Variants in PREX2 observed in about 807,000 individuals in gnomAD.
PREX2 encodes the protein phosphatidylinositol-3,4,5-trisphosphate dependent Rac exchange factor 2.
Under a neutral mutation model 203.2 loss-of-function variants are expected in PREX2, and 107 were observed. The ratio of observed to expected loss-of-function variants is 0.53; its 90% CI spans 0.45 to 0.62. PREX2 has a LOEUF of 0.62. Among genes scored for constraint, PREX2 ranks in the 20% least tolerant of loss-of-function variants. The pLI, the probability that PREX2 is intolerant of heterozygous loss-of-function variation, is 0.00. For synonymous variants in PREX2, 672 were observed against 663.6 expected, an observed-to-expected ratio of 1.01 and a Z score of -0.19; for missense variants, 1,777 against 1,955.9, an observed-to-expected ratio of 0.91 and a Z score of 1.72.
At chr8:68,047,466 AATTTATATAT>A (rs1231262118) in intron 8 of PREX2, among the ~76,000 whole-genome samples, 2 of 64,218 alleles carry the variant, frequency 3.1e-5, no homozygotes, top group African/African-American at 6.0e-5. Context: ...AAAATGGATG[AATTTATATAT>A]ATATATATAT....
chr8:68,012,424 ACT>A (rs958127328), intron 1 of PREX2, among the ~76,000 whole-genome samples: 2 of 152,132 alleles, frequency 1.3e-5, no homozygotes, highest in African/African-American at 2.4e-5. Flanking sequence ...ATATTAAAAG[ACT>A]CTCAATAACT....
At chr8:68,152,558 A>G (rs1811463001) in intron 34 of PREX2, among the ~76,000 whole-genome samples, 1 of 152,144 alleles carries the variant, frequency 6.6e-6, no homozygotes, top group African/African-American at 2.4e-5. Flanking sequence ...TTTCAAATTC[A>G]TAGTTTATTG....
In PREX2 at chr8:68,165,460, C is replaced by T. The variant is rs113895476; in HGVS notation, c.4346+8024C>T. Among the ~76,000 whole-genome samples the T allele has an allele frequency of 3.3e-5, 5 of 152,086 alleles. 1 individual carries two copies. Among genetic ancestry groups the T allele is most frequent in the African/African-American group, 9.6e-5 (4 of 41,472 alleles). ...ATCCCCCATCCCCTCGGTGTTTTCA[C>T]GGACGGGTTTTTTAGTTGAGCAAAG... On this transcript the variant is annotated intron_variant, in intron 35 of 39. Transcript: ENST00000288368.
chr8:68,171,834 G>T (rs995138386), intron 35 of PREX2, among the ~76,000 whole-genome samples: 2 of 152,172 alleles, frequency 1.3e-5, no homozygotes, highest in Non-Finnish European at 2.9e-5. Flanking sequence ...AAGAGAGAGG[G>T]AGAAAGAGAA....
chr8:68,027,503 T>C (rs968649414), intron 5 of PREX2, among the ~76,000 whole-genome samples, 180 bp downstream of exon 5: 1 of 152,078 alleles, frequency 6.6e-6, no homozygotes, highest in Non-Finnish European at 1.5e-5. Flanking sequence ...AGATGTTCAG[T>C]GGAAAAGCCA....
At chr8:67,975,721 T>TTTTTTTTTTG (rs1806062080) in intron 1 of PREX2, among the ~76,000 whole-genome samples, 1 of 121,518 alleles carries the variant, frequency 8.2e-6, no homozygotes, top group African/African-American at 3.0e-5. Flanking sequence ...TTTTTTTTTT[T>TTTTTTTTTTG]GAGATGGAGT....
chr8:68,050,062 G>GTATATATATATA lies in PREX2; in HGVS notation c.944-3033_944-3022dup, dbSNP rs528671209. On this transcript the variant is annotated intron_variant, in intron 8 of 39. Coordinates refer to ENST00000288368, the MANE Select transcript of PREX2 (RefSeq NM_024870.4). ...TGTATATGTGTGTTTATGTATGTGT[G>GTATATATATATA]TATATATATATATGTTTATAATTAC... 1.4e-3 allele frequency among the ~76,000 whole-genome samples: 216 copies of GTATATATATATA among 151,288 alleles called. 1 individual carries two copies. The highest frequency in any genetic ancestry group is 4.7e-3 in the African/African-American group (193 of 41,288).
intron 35 of PREX2, among the ~76,000 whole-genome samples, chr8:68,160,581 C>A (rs936433580): frequency 6.6e-6 from 1 of 152,098 alleles, no homozygotes; most frequent in Non-Finnish European, 1.5e-5. Context: ...CCTAATATGT[C>A]TGTCTTGGAC....
chr8:68,046,758 A>G (rs879537809), intron 8 of PREX2, among the ~76,000 whole-genome samples: 6 of 152,060 alleles, frequency 3.9e-5, no homozygotes, highest in Non-Finnish European at 8.8e-5. Flanking sequence ...GTATATAAGC[A>G]GCATGTAGCA....
Position 67,952,353 on chromosome 8 carries a change from T to C in PREX2, c.-42T>C. On this transcript the variant is annotated 5_prime_UTR_variant, in exon 1 of 40. Coordinates refer to ENST00000288368, the MANE Select transcript of PREX2 (RefSeq NM_024870.4). ...CAGCAGCGGGCGCGCGGGTCAGCGCTCAGCACGGCGGGCAGCGCCGCGCTG... is the reference window on the plus strand; with the variant it reads ...CAGCAGCGGGCGCGCGGGTCAGCGCCCAGCACGGCGGGCAGCGCCGCGCTG... 6.8e-7 allele frequency: 1 copy of C among 1,464,834 alleles called. No individual in the cohort carries two copies. Among genetic ancestry groups the C allele is most frequent in the Non-Finnish European group, 9.0e-7 (1 of 1,111,622 alleles). 90.7% of individuals were successfully genotyped at this position (1,464,834 alleles called of 1,614,324 possible).
At chr8:68,028,339 A>G (rs1807791083) in intron 5 of PREX2, among the ~76,000 whole-genome samples, 1 of 151,890 alleles carries the variant, frequency 6.6e-6, no homozygotes, top group Non-Finnish European at 1.5e-5. Flanking sequence ...TATTATTCAT[A>G]TCTATTTGAT....
intron 1 of PREX2, among the ~76,000 whole-genome samples, chr8:67,991,892 A>G (rs955701286): frequency 6.6e-6 from 1 of 152,226 alleles, no homozygotes; most frequent in African/African-American, 2.4e-5. Flanking sequence ...AACCTAATAA[A>G]GCTATATTTT....
At chr8:68,136,909 CTT>C (rs959053848) in intron 32 of PREX2, among the ~76,000 whole-genome samples, 2 of 144,960 alleles carry the variant, frequency 1.4e-5, no homozygotes, top group Non-Finnish European at 1.5e-5. Context: ...GTTACAGCAA[CTT>C]TTTTTTTTTT....
chr8:68,220,152 T>G (rs1175149722), intron 38 of PREX2: 1 of 152,072 alleles, frequency 6.6e-6, no homozygotes, highest in African/African-American at 2.4e-5. Flanking sequence ...TTATTTATAA[T>G]TTCAATATTG....
At chr8:68,029,891 G>C (rs1807830781) in intron 5 of PREX2, among the ~76,000 whole-genome samples, 1 of 152,126 alleles carries the variant, frequency 6.6e-6, no homozygotes, top group South Asian at 2.1e-4. Flanking sequence ...CTATTGAGGG[G>C]TATATGGCAG....
chr8:67,952,808 G>T, intron 1 of PREX2: 1 of 544,844 alleles, frequency 1.8e-6, no homozygotes. Flanking sequence ...TCCAGTCCAG[G>T]GAATCCCGGC....
chr8:68,080,659 G>A, intron 16 of PREX2, 74 bp downstream of exon 16: 3 of 1,427,122 alleles, frequency 2.1e-6, no homozygotes, highest in Non-Finnish European at 1.9e-6. Context: ...AAACATGTTT[G>A]ACGGTGATGC....
At chr8:68,167,934 A>G (rs919991375) in intron 35 of PREX2, among the ~76,000 whole-genome samples, 1 of 152,184 alleles carries the variant, frequency 6.6e-6, no homozygotes, top group Non-Finnish European at 1.5e-5. Flanking sequence ...CAGACTTGCT[A>G]AAAGCTCTTG....
At chr8:67,958,068 T>A (rs191605171) in intron 1 of PREX2, among the ~76,000 whole-genome samples, 54 of 152,320 alleles carry the variant, frequency 3.5e-4, no homozygotes, top group African/African-American at 1.2e-3. Context: ...AAACCAAACC[T>A]ACTGACACCT....
Sources: gnomAD v4.1 joint callset for allele counts (sites outside exome capture counted in the v4.1 genomes callset) on GRCh38, gnomAD v4.1.1 for gene constraint, MANE v1.5 for transcripts, NCBI Gene and HGNC (gene_info 2026-07-23, HGNC 2026-07-21) for gene names.